The following ADGRB3 variants were observed in gnomAD, a reference collection of about 807,000 sequenced individuals.
The protein encoded by ADGRB3 is brain-specific angiogenesis inhibitor 3.
Under a neutral mutation model 193.4 loss-of-function variants are expected in ADGRB3, and 37 were observed. The observed-to-expected ratio is 0.19, with a 90% CI of 0.15 to 0.25. The LOEUF (loss-of-function observed/expected upper bound fraction) is 0.25, where lower values mean the gene tolerates loss of function less well. Among genes scored for constraint, ADGRB3 ranks in the 10% least tolerant of loss-of-function variants. The pLI, the probability that ADGRB3 is intolerant of heterozygous loss-of-function variation, is 1.00. For missense variants in ADGRB3, 1,637 were observed against 1,852.9 expected, an observed-to-expected ratio of 0.88 and a Z score of 2.14; for synonymous variants, 690 against 644.2, an observed-to-expected ratio of 1.07 and a Z score of -1.08.
intron 8 of ADGRB3, among the ~76,000 whole-genome samples, chr6:68,962,278 A>G (rs1430433259): frequency 1.3e-5 from 2 of 152,168 alleles, no homozygotes; most frequent in Non-Finnish European, 2.9e-5. Flanking sequence ...TTTACCACCT[A>G]TTTTAGTCTA....
intron 11 of ADGRB3, 80 bp from the exon 12 acceptor site, chr6:69,013,958 G>T (rs148916184): frequency 1.1e-6 from 1 of 876,432 alleles, no homozygotes; most frequent in Non-Finnish European, 1.7e-6. Context: ...CCTTTACCAC[G>T]TAGTCAACCC....
At chr6:69,148,237 A>T (rs1003873999) in intron 17 of ADGRB3, among the ~76,000 whole-genome samples, 7 of 151,994 alleles carry the variant, frequency 4.6e-5, no homozygotes, top group Non-Finnish European at 8.8e-5. Context: ...TCCTTTTAAT[A>T]AATGTGATTT....
chr6:69,131,201 A>C (rs1035212994), intron 17 of ADGRB3, among the ~76,000 whole-genome samples: 1 of 152,132 alleles, frequency 6.6e-6, no homozygotes, highest in African/African-American at 2.4e-5. Flanking sequence ...TTATTGCAGA[A>C]GTCAAAGCAA....
chr6:68,750,057 A>G (rs1242257998), intron 3 of ADGRB3, among the ~76,000 whole-genome samples: 1 of 152,170 alleles, frequency 6.6e-6, no homozygotes, highest in African/African-American at 2.4e-5. Flanking sequence ...AATACATTAG[A>G]ATATCAACAG....
chr6:69,129,702 A>C (rs1167728524), intron 17 of ADGRB3, among the ~76,000 whole-genome samples: 1 of 152,208 alleles, frequency 6.6e-6, no homozygotes. Flanking sequence ...ATGCTGTTCT[A>C]TGTGAATCAA....
At chr6:68,948,837 A>G (rs565035358) in intron 6 of ADGRB3, among the ~76,000 whole-genome samples, 4 of 152,016 alleles carry the variant, frequency 2.6e-5, no homozygotes, top group Non-Finnish European at 4.4e-5. Context: ...GTATACTGAC[A>G]TATATATATA....
At chr6:68,837,218 A>G (rs1768063411) in intron 3 of ADGRB3, among the ~76,000 whole-genome samples, 1 of 152,216 alleles carries the variant, frequency 6.6e-6, no homozygotes, top group East Asian at 1.9e-4. Flanking sequence ...GAAGTATAGG[A>G]AATAATTAAA....
chr6:69,004,122 A>G (rs894538941), intron 11 of ADGRB3, among the ~76,000 whole-genome samples: 1 of 152,204 alleles, frequency 6.6e-6, no homozygotes, highest in African/African-American at 2.4e-5. Flanking sequence ...TTATTATCAA[A>G]TATTCTACTG....
chr6:68,718,193 A>T (rs185282902), intron 3 of ADGRB3, among the ~76,000 whole-genome samples: 1 of 151,708 alleles, frequency 6.6e-6, no homozygotes, highest in African/African-American at 2.4e-5. Flanking sequence ...TTAAAAAACC[A>T]TGGATGTGAG....
At chr6:69,196,262 T>A (rs1282047368) in intron 17 of ADGRB3, among the ~76,000 whole-genome samples, 1 of 152,138 alleles carries the variant, frequency 6.6e-6, no homozygotes, top group African/African-American at 2.4e-5. Context: ...AGCATCCTAA[T>A]GAGAGTTTTC....
At chr6:68,812,671 C>CT (rs978213617) in intron 3 of ADGRB3, among the ~76,000 whole-genome samples, 112 of 148,838 alleles carry the variant, frequency 7.5e-4, no homozygotes, top group African/African-American at 2.1e-3. Flanking sequence ...ACTGTAAGTT[C>CT]TTTTTTTTTT....
At chr6:69,305,087 C>T (rs1768037019) in intron 20 of ADGRB3, among the ~76,000 whole-genome samples, 1 of 151,502 alleles carries the variant, frequency 6.6e-6, no homozygotes, top group Non-Finnish European at 1.5e-5. Context: ...AATAATAACA[C>T]ATGGTAGTTC....
chr6:68,785,879 A>G lies in ADGRB3; in HGVS notation c.758-144680A>G, dbSNP rs372956749. Among the ~76,000 whole-genome samples the G allele has an allele frequency of 7.7e-3, 1,167 of 151,908 alleles. 18 individuals are homozygous for G. Among genetic ancestry groups the G allele is most frequent in the African/African-American group, 0.027 (1,118 of 41,436 alleles). On this transcript the variant is annotated intron_variant, in intron 3 of 31. Coordinates refer to ENST00000370598, the MANE Select transcript of ADGRB3 (RefSeq NM_001704.3). ...TGGTGTGAGATGGTATCTCATTGTG[A>G]TTTTGATTTGCATTTCTCTGATGGC...
intron 13 of ADGRB3, among the ~76,000 whole-genome samples, chr6:69,018,868 A>G (rs1460818226): frequency 2.0e-5 from 3 of 151,982 alleles, no homozygotes; most frequent in Non-Finnish European, 4.4e-5. Flanking sequence ...GAAAAACAAC[A>G]TATTAGTCTT....
intron 3 of ADGRB3, among the ~76,000 whole-genome samples, chr6:68,835,345 G>T (rs771960839): frequency 3.3e-5 from 5 of 152,068 alleles, no homozygotes; most frequent in Non-Finnish European, 5.9e-5. Flanking sequence ...GTAGTTGATC[G>T]TCTTCTTTTT....
At chr6:69,155,218 C>T (rs1397047097) in intron 17 of ADGRB3, among the ~76,000 whole-genome samples, 1 of 152,158 alleles carries the variant, frequency 6.6e-6, no homozygotes, top group Non-Finnish European at 1.5e-5. Context: ...AAGGAATAAA[C>T]TGAATATTTC....
At chr6:69,031,265 C>T (rs1020132044) in intron 13 of ADGRB3, among the ~76,000 whole-genome samples, 6 of 151,104 alleles carry the variant, frequency 4.0e-5, no homozygotes. Context: ...ACGGTGAAAC[C>T]CAGTCTCTAC....
At chr6:69,171,434 A>C (rs1775268915) in intron 17 of ADGRB3, among the ~76,000 whole-genome samples, 1 of 152,204 alleles carries the variant, frequency 6.6e-6, no homozygotes, top group Non-Finnish European at 1.5e-5. Context: ...TGTTCTTGGT[A>C]GTTATTCTGA....
In ADGRB3 at chr6:68,788,967, G is replaced by A. The variant is rs193056740; in HGVS notation, c.758-141592G>A. 1.8e-3 allele frequency among the ~76,000 whole-genome samples: 271 copies of A among 152,204 alleles called. 1 individual carries two copies. Among genetic ancestry groups the A allele is most frequent in the Non-Finnish European group, 1.9e-3 (130 of 68,020 alleles). On this transcript the variant is annotated intron_variant, in intron 3 of 31. Transcript: ENST00000370598. ...TTAAAGTCTGTTTTAGCAGAGACTG[G>A]GATTGCAAACCCTGCCTTTTTTTGT... is the stretch of plus-strand genomic sequence containing the variant.
Sources: gnomAD v4.1 joint callset for allele counts (sites outside exome capture counted in the v4.1 genomes callset) on GRCh38, gnomAD v4.1.1 for gene constraint, MANE v1.5 for transcripts, NCBI Gene and HGNC (gene_info 2026-07-23, HGNC 2026-07-21) for gene names.